Variants in DLK2 observed in about 807,000 individuals in gnomAD.
DLK2 encodes the protein protein delta homolog 2.
Under a neutral mutation model 31.3 loss-of-function variants are expected in DLK2, and 9 were observed. The ratio of observed to expected loss-of-function variants is 0.29; its 90% CI spans 0.17 to 0.50. DLK2 has a LOEUF of 0.50. Ranked by LOEUF, DLK2 falls within the 20% of genes least tolerant of loss-of-function variation. The pLI is 0.98. For synonymous variants in DLK2, 169 were observed against 201.2 expected, an observed-to-expected ratio of 0.84 and a Z score of 1.35; for missense variants, 387 against 526.1, an observed-to-expected ratio of 0.74 and a Z score of 2.59.
rs1017022395 is a variant in DLK2, at chr6:43,453,775, C to T, written c.140+636G>A. Among the ~76,000 whole-genome samples the T allele has an allele frequency of 5.4e-5, 8 of 148,868 alleles. No homozygotes were observed. Among genetic ancestry groups the T allele is most frequent in the Non-Finnish European group, 1.2e-4 (8 of 67,968 alleles). On this transcript the variant is annotated intron_variant, in intron 3 of 5. Coordinates refer to ENST00000372488, the MANE Select transcript of DLK2 (RefSeq NM_023932.4). This position sits in a 1 kb window ranked among gnomAD's most constrained non-coding sequence, Gnocchi z 4.1. ...CTGCACTCCAGCCTTGGCAACAAAGCGAGACTCTGTCTCAAAAACAAAAAA... is the reference window on the plus strand; with the variant it reads ...CTGCACTCCAGCCTTGGCAACAAAGTGAGACTCTGTCTCAAAAACAAAAAA...
rs903459309 is a variant in DLK2 at position 43,451,381 on chromosome 6, C to T, written c.417-107G>A. 20 of 1,374,076 alleles carry T rather than the reference C, an allele frequency of 1.5e-5. No homozygotes were observed. The highest frequency in any genetic ancestry group is 1.9e-4 in the Middle Eastern group (1 of 5,278). 85.1% of individuals were successfully genotyped at this position (1,374,076 alleles called of 1,614,324 possible). The stretch of plus-strand genomic sequence containing the variant: ...CCGCCATGTCATCTTGGGCTACACA[C>T]TCCGAGCCTCAAATACCTCATTTTA... On this transcript the variant is annotated intron_variant, in intron 5 of 5. Coordinates refer to ENST00000372488, the MANE Select transcript of DLK2 (RefSeq NM_023932.4). This position sits in a 1 kb window ranked among gnomAD's most constrained non-coding sequence, Gnocchi z 4.4.
rs1783769268 is a variant in DLK2, at chr6:43,451,889, T to C, written c.416+51A>G. 2 of 1,606,900 alleles carry C rather than the reference T, an allele frequency of 1.2e-6. No homozygotes were observed. The highest frequency in any genetic ancestry group is 1.7e-5 in the Admixed American group (1 of 59,500). On this transcript the variant is annotated intron_variant, in intron 5 of 5. Transcript: ENST00000372488. This position sits in a 1 kb window ranked among gnomAD's most constrained non-coding sequence, Gnocchi z 4.4. ...CAGTCCTGCCTCTTTTCTCATCCCA[T>C]CACCAGGTTCTGGTCTAACCTTCCA...
At position 43,450,590 on chromosome 6, in the gene DLK2, G is replaced by A. The variant is rs35056042; in HGVS notation, c.1101C>T (p.Leu367=). ...ECQVSMLPAG[L]PLPRDLPPEP... ...CAGGGGGCAAGTCACGTGGCAGGGGGAGCCCTGCTGGCAGCATGCTAACCT... is the reference window on the plus strand; with the variant it reads ...CAGGGGGCAAGTCACGTGGCAGGGGAAGCCCTGCTGGCAGCATGCTAACCT... The change falls in exon 6 of 6, where the codon CTC becomes CTT. Residue 367 remains leucine, a synonymous_variant. Coordinates refer to ENST00000372488, the MANE Select transcript of DLK2 (RefSeq NM_023932.4). This position sits in a 1 kb window ranked among gnomAD's most constrained non-coding sequence, Gnocchi z 4.5. 0.042 allele frequency: 66,978 copies of A among 1,589,348 alleles called. 1,651 individuals carry two copies. Among genetic ancestry groups the A allele is most frequent in the Non-Finnish European group, 0.047 (55,119 of 1,165,806 alleles).
Position 43,454,801 on chromosome 6 carries a change from G to A in DLK2, c.25C>T (p.His9Tyr), listed in dbSNP as rs1362299885. Reference sequence around the variant, plus strand: ...AGAATGCACAACAGGCACACGAGATGCAGGCAGCGGCAGCCGCTGGGCATG... The same window carrying A: ...AGAATGCACAACAGGCACACGAGATACAGGCAGCGGCAGCCGCTGGGCATG... MPSGCRCL[H>Y]LVCLLCILGA... is the part of the protein sequence containing the mutation. The change falls in exon 2 of 6, where the codon CAT (histidine) becomes TAT (tyrosine). Residue 9 changes from histidine to tyrosine, a missense_variant. By Grantham distance (83) the His-to-Tyr change is moderately conservative (BLOSUM62 2). Transcript: ENST00000372488. 1.5e-5 allele frequency: 24 copies of A among 1,555,302 alleles called. No homozygotes were observed. The African/African-American group carries it at 2.6e-4, about 17-fold the overall frequency.
At chr6:43,452,545 ATC>A (rs1361435623) in intron 4 of DLK2, among the ~76,000 whole-genome samples, 1 of 152,144 alleles carries the variant, frequency 6.6e-6, no homozygotes, top group Non-Finnish European at 1.5e-5. Context: ...GTGAAACCCT[ATC>A]TCTACTAAAA....
rs766543899 is a variant in DLK2, at chr6:43,453,697, C to CCTCCCCTCAAGTTCA, written c.141-563_141-562insTGAACTTGAGGGGAG. 3.4e-4 allele frequency among the ~76,000 whole-genome samples: 52 copies of CCTCCCCTCAAGTTCA among 152,082 alleles called. No homozygotes were observed. Among genetic ancestry groups the CCTCCCCTCAAGTTCA allele is most frequent in the Non-Finnish European group, 6.8e-4 (46 of 68,018 alleles). On this transcript the variant is annotated intron_variant, in intron 3 of 5. Coordinates refer to ENST00000372488, the MANE Select transcript of DLK2 (RefSeq NM_023932.4). This position sits in a 1 kb window ranked among gnomAD's most constrained non-coding sequence, Gnocchi z 4.1. ...TAATCCATTATTGAGGAGGCTGAGG[C>CCTCCCCTCAAGTTCA]AGGGGAACTTGAACACAAGAGGCAG...
chr6:43,454,107 T>C (rs2127423938), intron 3 of DLK2, among the ~76,000 whole-genome samples: 1 of 152,298 alleles, frequency 6.6e-6, no homozygotes, highest in South Asian at 2.1e-4. Context: ...CTCTTTCCCT[T>C]TTTCCTTTAT....
chr6:43,454,545 G>A, intron 2 of DLK2, 71 bp from the exon 3 acceptor site: 2 of 1,467,644 alleles, frequency 1.4e-6, no homozygotes, highest in Non-Finnish European at 9.3e-7. Context: ...GGACTCAGGA[G>A]AGGATTGGGG....
Position 43,453,143 on chromosome 6 carries a change from G to C in DLK2, c.141-8C>G. 4 of 1,593,072 alleles carry C rather than the reference G, an allele frequency of 2.5e-6. No individual in the cohort carries two copies. Among genetic ancestry groups the C allele is most frequent in the Non-Finnish European group, 3.4e-6 (4 of 1,165,286 alleles). ...TCCCAGCCCGGGTCACACCTGACGG[G>C]GAGAAGCACAGGGTCAGGGCTCTGG... On this transcript the variant is annotated splice_region_variant and splice_polypyrimidine_tract_variant and intron_variant, in intron 3 of 5. Coordinates refer to ENST00000372488, the MANE Select transcript of DLK2 (RefSeq NM_023932.4). This position sits in a 1 kb window ranked among gnomAD's most constrained non-coding sequence, Gnocchi z 4.1.
intron 4 of DLK2, among the ~76,000 whole-genome samples, chr6:43,452,368 G>T (rs1182616601): frequency 6.6e-6 from 1 of 152,204 alleles, no homozygotes; most frequent in African/African-American, 2.4e-5. Flanking sequence ...ATGACTTGAG[G>T]TCAGGAGTTC....
chr6:43,455,261 C>A, intron 1 of DLK2, 134 bp downstream of exon 1: 1 of 194,322 alleles, frequency 5.1e-6, no homozygotes, highest in Non-Finnish European at 9.8e-6. Flanking sequence ...GCAGTCTCCG[C>A]CCCACAGCTC....
Position 43,451,705 on chromosome 6 carries a change from C to G in DLK2, c.416+235G>C, listed in dbSNP as rs1272206954. Among the ~76,000 whole-genome samples the G allele has an allele frequency of 6.6e-6, 1 of 151,586 alleles. No individual in the cohort carries two copies. The highest frequency in any genetic ancestry group is 1.5e-5 in the Non-Finnish European group (1 of 67,898). ...ACCCTCCCCAACCAGAACAGTCACA[C>G]GTTTGTTACCCCTCTAGCTCCTATA... On this transcript the variant is annotated intron_variant, in intron 5 of 5. Transcript: ENST00000372488. The surrounding 1 kb of genome is among the most constrained non-coding windows in gnomAD (Gnocchi z 4.4).
rs1278685539 is a variant in DLK2, at chr6:43,453,755, C to T, written c.141-620G>A. On this transcript the variant is annotated intron_variant, in intron 3 of 5. Transcript: ENST00000372488. The surrounding 1 kb of genome is among the most constrained non-coding windows in gnomAD (Gnocchi z 4.1). The stretch of plus-strand genomic sequence containing the variant: ...AGTGAGCTGAGATCGCGCCACTGCA[C>T]TCCAGCCTTGGCAACAAAGCGAGAC... 6.6e-6 allele frequency among the ~76,000 whole-genome samples: 1 copy of T among 152,022 alleles called. No homozygotes were observed. The highest frequency in any genetic ancestry group is 1.9e-4 in the East Asian group (1 of 5,194).
intron 4 of DLK2, 105 bp downstream of exon 4, chr6:43,452,900 A>G (rs1783827722): frequency 6.7e-7 from 1 of 1,487,824 alleles, no homozygotes; most frequent in Non-Finnish European, 9.1e-7. Context: ...AATACCATGT[A>G]TTTGAGGGTT....
rs997782986 is a variant in DLK2, at chr6:43,450,442, C to G, written c.*97G>C. Reference sequence around the variant, plus strand: ...TTCTGGTGTGAGGCTGAGGTCTCCTCTGTGTGTGTACCCAAGCTGAAGGGT... The same window carrying G: ...TTCTGGTGTGAGGCTGAGGTCTCCTGTGTGTGTGTACCCAAGCTGAAGGGT... On this transcript the variant is annotated 3_prime_UTR_variant, in exon 6 of 6. Coordinates refer to ENST00000372488, the MANE Select transcript of DLK2 (RefSeq NM_023932.4). The surrounding 1 kb of genome is among the most constrained non-coding windows in gnomAD (Gnocchi z 4.5). 5.8e-6 allele frequency: 8 copies of G among 1,376,582 alleles called. No homozygotes were observed. Among genetic ancestry groups the G allele is most frequent in the Middle Eastern group, 2.4e-4 (1 of 4,160 alleles). The allele number at this position is 1,376,582 out of a possible 1,614,324, so 85.3% of individuals were successfully genotyped here.
In DLK2 at chr6:43,454,771, CCCCCAG is replaced by C. The variant is rs1783907660; in HGVS notation, c.49_54del (p.Leu17_Gly18del). Reference sequence around the variant, plus strand: ...TCACCTCGGACAGGCTGACCGGGAGCCCCCAGAATGCACAACAGGCACACGAGATGC... The same window carrying C: ...TCACCTCGGACAGGCTGACCGGGAGCAATGCACAACAGGCACACGAGATGC... On this transcript the variant is annotated inframe_deletion, in exon 2 of 6. Coordinates refer to ENST00000372488, the MANE Select transcript of DLK2 (RefSeq NM_023932.4). 1 of 1,553,864 alleles carries C rather than the reference CCCCCAG, an allele frequency of 6.4e-7. No individual in the cohort carries two copies.
chr6:43,451,851 C>A lies in DLK2; in HGVS notation c.416+89G>T. On this transcript the variant is annotated intron_variant, in intron 5 of 5. Transcript: ENST00000372488. The surrounding 1 kb of genome is among the most constrained non-coding windows in gnomAD (Gnocchi z 4.4). The stretch of plus-strand genomic sequence containing the variant: ...CCCGTGTGGGTCTGACTCTCAGTCC[C>A]CCACCCTCCCAACAGTCCTGCCTCT... The A allele has an allele frequency of 6.5e-7, 1 of 1,534,188 alleles. No homozygotes were observed. Among genetic ancestry groups the A allele is most frequent in the Non-Finnish European group, 8.8e-7 (1 of 1,140,418 alleles).
chr6:43,454,646 C>G, intron 2 of DLK2, 104 bp downstream of exon 2: 2 of 1,442,414 alleles, frequency 1.4e-6, no homozygotes, highest in Non-Finnish European at 9.4e-7. Flanking sequence ...TTGCTTGCCC[C>G]GCGGGTCGGA....
chr6:43,454,731 G>T lies in DLK2; in HGVS notation c.76+19C>A. 3 of 1,543,442 alleles carry T rather than the reference G, an allele frequency of 1.9e-6. No homozygotes were observed. The highest frequency in any genetic ancestry group is 1.2e-5 in the South Asian group (1 of 84,034). ...ACGGCTGGACAGGGCCGCGACTGGA[G>T]CCCAGCGGGCGCGCTCACCTCGGAC... On this transcript the variant is annotated intron_variant, in intron 2 of 5. Transcript: ENST00000372488.
Sources: gnomAD v4.1 joint callset for allele counts (sites outside exome capture counted in the v4.1 genomes callset) on GRCh38, gnomAD v4.1.1 for gene constraint, Gnocchi (gnomAD v3.1) non-coding constraint, MANE v1.5 for transcripts, NCBI Gene and HGNC (gene_info 2026-07-23, HGNC 2026-07-21) for gene names.